SUGP2: variants seen among roughly 807,000 people sequenced by gnomAD.
SUGP2 encodes the protein SURP and G-patch domain containing 2.
In SUGP2, 24 loss-of-function variants were observed where a neutral mutation model predicts 90.5. The ratio of observed to expected loss-of-function variants is 0.27; its 90% CI spans 0.19 to 0.37. SUGP2 has a LOEUF of 0.37. SUGP2 is among the 10% of genes least tolerant of loss of function. The pLI, the probability that SUGP2 is intolerant of heterozygous loss-of-function variation, is 1.00. For missense variants in SUGP2, 1,233 were observed against 1,363.3 expected (o/e 0.90, Z 1.51); for synonymous variants, 473 against 513.4 (o/e 0.92, Z 1.06).
rs778232876 is a variant in SUGP2, at chr19:19,004,452, T to A, written c.2645A>T (p.Glu882Val). The change falls in exon 7 of 11, where the codon GAG becomes GTG. Residue 882 changes from glutamate (E) to valine (V), a missense_variant. By Grantham distance (121) the Glu-to-Val change is moderately radical. Transcript: ENST00000452918. ...AEFEDEPPPR[E>V]AELESPEVMP... ...CACCTCTGGGCTCTCCAGCTCAGCC[T>A]CCCGCGGAGGGGGCTCGTCTTCAAA... is the stretch of plus-strand genomic sequence containing the variant. 6.2e-7 allele frequency: 1 copy of A among 1,614,158 alleles called. No homozygotes were observed. Among genetic ancestry groups the A allele is most frequent in the East Asian group, 2.2e-5 (1 of 44,874 alleles).
intron 5 of SUGP2, 61 bp downstream of exon 5, chr19:19,009,794 C>A: frequency 6.5e-7 from 1 of 1,529,374 alleles, no homozygotes; most frequent in South Asian, 1.3e-5. Context: ...TCTAAAGAGA[C>A]CCTGGAGATG....
rs751593135 is a variant in SUGP2, at chr19:19,009,921, G to A, written c.2272C>T (p.Pro758Ser). The change falls in exon 5 of 11, where the codon CCC becomes TCC. Residue 758 changes from proline to serine, a missense_variant. Around this residue, in one of 8 missense-constraint regions of SUGP2, gnomAD observed 540 missense variants for 542.6 expected, o/e 1.00. Transcript: ENST00000452918. The part of the protein sequence containing the change: ...DPSLEASGPS[P>S]KPAGVDISEA... ...GAGATGTCCACTCCTGCTGGCTTGG[G>A]GGATGGGCCTGAGGCTTCTAAGCTG... The A allele has an allele frequency of 2.2e-5, 35 of 1,614,064 alleles. No individual in the cohort carries two copies. In the East Asian group the frequency reaches 6.5e-4, roughly 30 times the overall value.
intron 5 of SUGP2, among the ~76,000 whole-genome samples, 181 bp downstream of exon 5, chr19:19,009,674 T>C (rs1405978817): frequency 6.6e-6 from 1 of 152,192 alleles, no homozygotes; most frequent in Admixed American, 6.5e-5. Flanking sequence ...AGGACTCGCA[T>C]GCAGCTCTCT....
At chr19:19,009,512 T>C (rs1332729215) in intron 5 of SUGP2, among the ~76,000 whole-genome samples, 1 of 151,938 alleles carries the variant, frequency 6.6e-6, no homozygotes, top group African/African-American at 2.4e-5. Flanking sequence ...CCGAAGACTA[T>C]CAAGGGAGGC....
intron 8 of SUGP2, among the ~76,000 whole-genome samples, chr19:19,000,843 C>T: frequency 6.6e-6 from 1 of 151,518 alleles, no homozygotes; most frequent in Non-Finnish European, 1.5e-5. Flanking sequence ...GTAGCTGGGA[C>T]TACAGGCATG....
chr19:19,030,695 A>G (rs2059119725), intron 2 of SUGP2, among the ~76,000 whole-genome samples: 1 of 152,148 alleles, frequency 6.6e-6, no homozygotes, highest in Non-Finnish European at 1.5e-5. Context: ...CAGAGATGGA[A>G]GGATGGCTTG....
intron 5 of SUGP2, 63 bp from the exon 6 acceptor site, chr19:19,008,491 G>T: frequency 7.5e-7 from 1 of 1,335,774 alleles, no homozygotes; most frequent in Non-Finnish European, 1.1e-6. Flanking sequence ...TGTAAACACT[G>T]CAGGGTTGTG....
rs1286304548 is a variant in SUGP2, at chr19:19,024,857, T to A, written c.1491A>T (p.Lys497Asn). The part of the protein sequence containing the change: ...FSLASSFRQE[K>N]ILEAVGLQDI... Reference sequence around the variant, plus strand: ...CTTGCAGGCCGACAGCTTCTAAGATTTTCTCCTGCCGGAAAGAAGAGGCCA... The same window carrying A: ...CTTGCAGGCCGACAGCTTCTAAGATATTCTCCTGCCGGAAAGAAGAGGCCA... Residue 497 changes from lysine to asparagine, a missense_variant, in exon 3 of 11, where the codon AAA (lysine) becomes AAT (asparagine). Physicochemically the swap from Lys to Asn is moderately conservative, Grantham distance 94. This residue lies in a region of SUGP2 where 59 missense variants were observed against 92.6 expected (regional missense o/e 0.64). Coordinates refer to ENST00000452918, the MANE Select transcript of SUGP2 (RefSeq NM_001017392.5). The A allele has an allele frequency of 1.2e-6, 2 of 1,614,028 alleles. No homozygotes were observed. The highest frequency in any genetic ancestry group is 1.7e-6 in the Non-Finnish European group (2 of 1,180,036).
Position 19,013,059 on chromosome 19 carries a change from G to T in SUGP2, c.1851-2717C>A, listed in dbSNP as rs543933967. Reference sequence around the variant, plus strand: ...TCGAATTTTTTTTAGCAGAGATGGGGTTTCACCATGTTGGCCAGGCTGGTC... The same window carrying T: ...TCGAATTTTTTTTAGCAGAGATGGGTTTTCACCATGTTGGCCAGGCTGGTC... On this transcript the variant is annotated intron_variant, in intron 4 of 10. Coordinates refer to ENST00000452918, the MANE Select transcript of SUGP2 (RefSeq NM_001017392.5). Among the ~76,000 whole-genome samples the T allele has an allele frequency of 3.9e-5, 6 of 152,168 alleles. No individual in the cohort carries two copies. The South Asian group carries it at 1.0e-3, about 26-fold the overall frequency.
At chr19:19,007,565 G>A (rs1337921915) in intron 6 of SUGP2, 1 of 151,604 alleles carries the variant, frequency 6.6e-6, no homozygotes, top group Non-Finnish European at 1.5e-5. Context: ...CAATTCTCCT[G>A]CCTCAGCCTC....
rs2058614420 is a variant in SUGP2 at position 19,019,182 on chromosome 19, G to A, written c.1777C>T (p.Leu593Phe). ...CTGCCTTCGATGACACGTTTCACAA[G>A]CTGGTCGATGGTGCCCACTACCCTG... is the stretch of plus-strand genomic sequence containing the variant. ...DHRVVGTIDQ[L>F]VKRVIEGSLS... is the part of the protein sequence containing the mutation. Residue 593 changes from leucine (L) to phenylalanine (F), a missense_variant, in exon 4 of 11, where the codon CTT becomes TTT. Transcript: ENST00000452918. The A allele has an allele frequency of 1.2e-6, 2 of 1,614,170 alleles. No homozygotes were observed. Among genetic ancestry groups the A allele is most frequent in the Middle Eastern group, 3.3e-4 (2 of 6,058 alleles).
intron 8 of SUGP2, among the ~76,000 whole-genome samples, chr19:18,999,474 T>C (rs1413255324): frequency 1.3e-5 from 2 of 152,210 alleles, no homozygotes; most frequent in Admixed American, 6.5e-5. Flanking sequence ...AGGGCTGAGC[T>C]AGAGTACAGC....
chr19:19,015,327 C>G (rs1169434087), intron 4 of SUGP2, among the ~76,000 whole-genome samples: 1 of 152,162 alleles, frequency 6.6e-6, no homozygotes, highest in African/African-American at 2.4e-5. Context: ...CAGGTCACAG[C>G]AGAAACATTT....
At position 19,033,469 on chromosome 19, in the gene SUGP2, C is replaced by T. The variant is rs1205379235; in HGVS notation, c.-44G>A. ...CCACCGCGCGCGGAGCCACCCCCGC[C>T]GCCGCCTCAGGCTCCTCACCCGCCG... On this transcript the variant is annotated 5_prime_UTR_variant, in exon 1 of 11. Coordinates refer to ENST00000452918, the MANE Select transcript of SUGP2 (RefSeq NM_001017392.5). The T allele has an allele frequency of 7.1e-7, 1 of 1,404,244 alleles. No individual in the cohort carries two copies. Among genetic ancestry groups the T allele is most frequent in the South Asian group, 1.3e-5 (1 of 74,338 alleles). 87.0% of individuals were successfully genotyped at this position (1,404,244 alleles called of 1,614,324 possible).
At chr19:18,999,636 A>G (rs2057751981) in intron 8 of SUGP2, among the ~76,000 whole-genome samples, 1 of 152,154 alleles carries the variant, frequency 6.6e-6, no homozygotes, top group South Asian at 2.1e-4. Flanking sequence ...CCTTCCTGCC[A>G]TAATTGGGGT....
chr19:18,998,346 G>A (rs1466241428), intron 8 of SUGP2, among the ~76,000 whole-genome samples: 1 of 152,220 alleles, frequency 6.6e-6, no homozygotes, highest in Non-Finnish European at 1.5e-5. Context: ...GAGTGCAGTG[G>A]CTCCATCATG....
rs776729820 is a variant in SUGP2 at position 19,004,394 on chromosome 19, A to G, written c.2703T>C (p.Asp901=). Residue 901 remains aspartate (D), a synonymous_variant, in exon 7 of 11, where the codon GAT becomes GAC. Coordinates refer to ENST00000452918, the MANE Select transcript of SUGP2 (RefSeq NM_001017392.5). ...CAGGAGCGGGGGCCTCCTCTCCCCC[A>G]TCCTCATCGTCCTCGTCCTCCTCCT... ...MPEEEDEDDE[D]GGEEAPAPGG... 1 of 1,613,622 alleles carries G rather than the reference A, an allele frequency of 6.2e-7. No individual in the cohort carries two copies. Among genetic ancestry groups the G allele is most frequent in the African/African-American group, 1.3e-5 (1 of 74,818 alleles).
chr19:19,007,755 C>CTTTTTTTTTTT lies in SUGP2; in HGVS notation c.2450+551_2450+561dup, dbSNP rs34670209. Among the ~76,000 whole-genome samples the CTTTTTTTTTTT allele has an allele frequency of 1.8e-5, 2 of 113,434 alleles. 1 individual carries two copies. Among genetic ancestry groups the CTTTTTTTTTTT allele is most frequent in the Non-Finnish European group, 3.6e-5 (2 of 55,490 alleles). 74.4% of individuals were successfully genotyped at this position (113,434 alleles called of 152,430 possible). On this transcript the variant is annotated intron_variant, in intron 6 of 10. Coordinates refer to ENST00000452918, the MANE Select transcript of SUGP2 (RefSeq NM_001017392.5). Reference sequence around the variant, plus strand: ...ACAAGCATGAGCCATTGCACCTAGCCTTTTTTTTTTTTTTTTTTTTTGGAG... The same window carrying CTTTTTTTTTTT: ...ACAAGCATGAGCCATTGCACCTAGCCTTTTTTTTTTTTTTTTTTTTTTTTTTTTTTTTGGAG...
chr19:18,997,800 A>AAAAG (rs1555725589), intron 8 of SUGP2, among the ~76,000 whole-genome samples: 53 of 147,830 alleles, frequency 3.6e-4, no homozygotes, highest in South Asian at 1.3e-3. Context: ...AAAAAAAAAA[A>AAAAG]AAAGAAAGAA....
Sources: gnomAD v4.1 joint callset for allele counts (sites outside exome capture counted in the v4.1 genomes callset) on GRCh38, gnomAD v4.1.1 for gene constraint, gnomAD v4.1.1 regional missense constraint, MANE v1.5 for transcripts, NCBI Gene and HGNC (gene_info 2026-07-23, HGNC 2026-07-21) for gene names.